The following TULP4 variants were observed in gnomAD, a reference collection of about 807,000 sequenced individuals.
The protein encoded by TULP4 is TUB like protein 4, also known as tubby-related protein 4.
TULP4 carries 16 observed loss-of-function variants against 129.0 expected under a neutral mutation model. That is an observed-to-expected ratio of 0.12 (90% CI 0.08 to 0.19). The LOEUF (loss-of-function observed/expected upper bound fraction) is 0.19, where lower values mean the gene tolerates loss of function less well. Ranked by LOEUF, TULP4 falls within the 10% of genes least tolerant of loss-of-function variation. TULP4 has a pLI of 1.00. For synonymous variants in TULP4, 998 were observed against 854.0 expected, an observed-to-expected ratio of 1.17 and a Z score of -2.94; for missense variants, 1,842 against 2,059.1, an observed-to-expected ratio of 0.89 and a Z score of 2.04.
At chr6:158,500,158 A>G (rs1368662841) in intron 12 of TULP4, among the ~76,000 whole-genome samples, 1 of 152,162 alleles carries the variant, frequency 6.6e-6, no homozygotes, top group Non-Finnish European at 1.5e-5. Context: ...AGTTGTCGTT[A>G]TTGTCTGTGG....
chr6:158,314,070 G>A lies in TULP4; in HGVS notation c.54G>A (p.Leu18=), dbSNP rs762654631. The change falls in exon 1 of 14, where the codon CTG becomes CTA. Residue 18 remains leucine, a synonymous_variant. Coordinates refer to ENST00000367097, the MANE Select transcript of TULP4 (RefSeq NM_020245.5). ...GPVLCSDSNI[L]CLSWKGRVPK... ...TGCTTTGCAGCGATTCCAACATCCT[G>A]TGCCTGTCCTGGAAGGGGCGTGTCC... is the stretch of plus-strand genomic sequence containing the variant. The A allele has an allele frequency of 1.9e-6, 3 of 1,614,200 alleles. No homozygotes were observed. The highest frequency in any genetic ancestry group is 3.3e-5 in the Admixed American group (2 of 60,026).
intron 5 of TULP4, 136 bp from the exon 6 acceptor site, chr6:158,461,427 G>A (rs5027295): frequency 0.49 from 353,193 of 721,662 alleles, 76,086 homozygotes; most frequent in African/African-American, 0.71. Flanking sequence ...AAAAAAAAAA[G>A]GAAAAAACCA....
At chr6:158,318,721 C>CT (rs200528617) in intron 1 of TULP4, among the ~76,000 whole-genome samples, 38 of 149,510 alleles carry the variant, frequency 2.5e-4, no homozygotes, top group African/African-American at 7.4e-4. Flanking sequence ...ATTGTTATAT[C>CT]TTTTTTTTTT....
rs1780517788 is a variant in TULP4 at position 158,503,404 on chromosome 6, C to T, written c.3741C>T (p.Ser1247=). The change falls in exon 13 of 14, where the codon AGC becomes AGT. Residue 1247 remains serine (S), a synonymous_variant. Coordinates refer to ENST00000367097, the MANE Select transcript of TULP4 (RefSeq NM_020245.5). The surrounding 1 kb of genome is among the most constrained non-coding windows in gnomAD (Gnocchi z 4.3). ...CCCTGCCCCCCATGTACCCAGGAAG[C>T]AGCACGTGCTCTAGTTTACAGCTGC... ...YCTLPPMYPG[S]STCSSLQLPP... 6.2e-7 allele frequency: 1 copy of T among 1,613,988 alleles called. No individual in the cohort carries two copies. Among genetic ancestry groups the T allele is most frequent in the African/African-American group, 1.3e-5 (1 of 75,058 alleles).
intron 1 of TULP4, among the ~76,000 whole-genome samples, chr6:158,255,232 T>C (rs1778222900): frequency 1.3e-5 from 2 of 152,174 alleles, no homozygotes; most frequent in East Asian, 1.9e-4. Context: ...GTAGACACTG[T>C]TGGGGACCAG....
At chr6:158,424,949 C>A (rs541738664) in intron 2 of TULP4, among the ~76,000 whole-genome samples, 138 of 150,628 alleles carry the variant, frequency 9.2e-4, no homozygotes, top group African/African-American at 3.1e-3. Context: ...GTCAGGAGAT[C>A]GAGACCATCC....
chr6:158,308,747 CGGGCGGGGGGCT>C (rs1779267281), upstream of TULP4, among the ~76,000 whole-genome samples: 3 of 142,560 alleles, frequency 2.1e-5, no homozygotes, highest in Non-Finnish European at 4.6e-5. Context: ...GGCGGCTGGC[CGGGCGGGGGGCT>C]GACCCCCCCA....
intron 1 of TULP4, among the ~76,000 whole-genome samples, chr6:158,324,308 G>A (rs946999823): frequency 2.0e-5 from 3 of 152,192 alleles, no homozygotes; most frequent in Non-Finnish European, 4.4e-5. Context: ...TTGTCCTGGT[G>A]AGTCTGTCTT....
chr6:158,444,002 A>T (rs594266), intron 3 of TULP4, among the ~76,000 whole-genome samples: 2 of 151,524 alleles, frequency 1.3e-5, no homozygotes, highest in African/African-American at 4.9e-5. Flanking sequence ...GGCGGATCAC[A>T]AGGTCAGGAG....
chr6:158,387,212 G>T (rs2114933632), intron 1 of TULP4, among the ~76,000 whole-genome samples: 1 of 152,190 alleles, frequency 6.6e-6, no homozygotes, highest in Admixed American at 6.5e-5. Context: ...CAAGCTTCTT[G>T]TATTAATGTC....
chr6:158,404,174 C>T (rs1777920477), intron 1 of TULP4, among the ~76,000 whole-genome samples: 1 of 152,272 alleles, frequency 6.6e-6, no homozygotes, highest in African/African-American at 2.4e-5. Flanking sequence ...TCCTTGAAGA[C>T]CAGAATGTCT....
At chr6:158,434,417 A>G (rs773240549) in intron 3 of TULP4, among the ~76,000 whole-genome samples, 1 of 152,242 alleles carries the variant, frequency 6.6e-6, no homozygotes, top group Non-Finnish European at 1.5e-5. Flanking sequence ...AGAAAATGTC[A>G]AATAAATATA....
At chr6:158,320,458 G>A (rs1317647004) in intron 1 of TULP4, among the ~76,000 whole-genome samples, 1 of 144,600 alleles carries the variant, frequency 6.9e-6, no homozygotes, top group African/African-American at 2.5e-5. Context: ...TTTACACAGA[G>A]TCTCACTTTG....
chr6:158,509,648 C>A lies in TULP4; in HGVS notation c.*2954C>A, dbSNP rs146876427. On this transcript the variant is annotated 3_prime_UTR_variant, in exon 14 of 14. Coordinates refer to ENST00000367097, the MANE Select transcript of TULP4 (RefSeq NM_020245.5). ...TAGCTCCCTCCCCCAAAGGCGCTTT[C>A]CCCCGATGGAGGCACAGGCTTCTGT... 1 of 152,196 alleles carries A rather than the reference C, an allele frequency of 6.6e-6. No individual in the cohort carries two copies. The highest frequency in any genetic ancestry group is 2.4e-5 in the African/African-American group (1 of 41,442). The allele number at this position is 152,196 out of a possible 1,614,324, so 9.4% of individuals were successfully genotyped here.
chr6:158,362,839 G>GCCGAGGCAGGTGGA (rs11269628), intron 1 of TULP4, among the ~76,000 whole-genome samples: 138,013 of 151,742 alleles, frequency 0.91, 62,931 homozygotes, highest in Admixed American at 0.94. Flanking sequence ...ACTTTGGGAG[G>GCCGAGGCAGGTGGA]TCAGGAGGTC....
intron 1 of TULP4, among the ~76,000 whole-genome samples, chr6:158,358,595 T>C (rs1345470916): frequency 2.6e-5 from 4 of 152,206 alleles, no homozygotes; most frequent in Non-Finnish European, 5.9e-5. Flanking sequence ...GTATCCTCTA[T>C]AGGCTGGTTA....
Position 158,503,708 on chromosome 6 carries a change from A to C in TULP4, c.4045A>C (p.Ser1349Arg). ...KRLDSRAEEGSVQAITEGKVK... is the reference protein window; with the variant it reads ...KRLDSRAEEGRVQAITEGKVK... ...CCTGGACAGCCGAGCAGAAGAAGGC[A>C]GCGTTCAGGCCATCACTGAGGGCAA... Residue 1349 changes from serine to arginine, a missense_variant, in exon 13 of 14, where the codon AGC (serine) becomes CGC (arginine). Physicochemically the swap from Ser to Arg is moderately radical, Grantham distance 110. Transcript: ENST00000367097. The surrounding 1 kb of genome is among the most constrained non-coding windows in gnomAD (Gnocchi z 4.3). The C allele has an allele frequency of 1.9e-6, 3 of 1,614,068 alleles. No individual in the cohort carries two copies. The highest frequency in any genetic ancestry group is 2.5e-6 in the Non-Finnish European group (3 of 1,180,022).
chr6:158,329,465 T>TAAAAA lies in TULP4; in HGVS notation c.252+15205_252+15209dup, dbSNP rs10671642. Among the ~76,000 whole-genome samples, 30 of 138,718 alleles carry TAAAAA rather than the reference T, an allele frequency of 2.2e-4. 3 individuals are homozygous for TAAAAA. Among genetic ancestry groups the TAAAAA allele is most frequent in the South Asian group, 4.9e-4 (2 of 4,108 alleles). The allele number at this position is 138,718 out of a possible 152,430, so 91.0% of individuals were successfully genotyped here. On this transcript the variant is annotated intron_variant, in intron 1 of 13. Coordinates refer to ENST00000367097, the MANE Select transcript of TULP4 (RefSeq NM_020245.5). The stretch of plus-strand genomic sequence containing the variant: ...AGTTCATTAATCAGAACCTTAACAT[T>TAAAAA]AAAAAAAAAAAAGAAGAATAACCTC...
chr6:158,420,239 C>T (rs1778304827), intron 2 of TULP4, among the ~76,000 whole-genome samples: 1 of 152,160 alleles, frequency 6.6e-6, no homozygotes, highest in Non-Finnish European at 1.5e-5. Flanking sequence ...AACAAAATAT[C>T]ATTCTTCTTT....
Sources: allele counts gnomAD v4.1 joint callset (sites outside exome capture counted in the v4.1 genomes callset), GRCh38; gene constraint gnomAD v4.1.1; non-coding constraint Gnocchi (gnomAD v3.1); transcripts MANE v1.5; gene names NCBI Gene and HGNC (gene_info 2026-07-23, HGNC 2026-07-21).